PPFIA2: variants seen among roughly 807,000 people sequenced by gnomAD.
PPFIA2 encodes PPFI scaffold protein A2.
Under a neutral mutation model 175.5 loss-of-function variants are expected in PPFIA2, and 46 were observed. The ratio of observed to expected loss-of-function variants is 0.26; its 90% CI spans 0.21 to 0.34. PPFIA2 has a LOEUF of 0.34. PPFIA2 is among the 10% of genes least tolerant of loss of function. PPFIA2 has a pLI of 1.00. For missense variants in PPFIA2, 1,179 were observed against 1,506.1 expected (o/e 0.78, Z 3.60); for synonymous variants, 568 against 511.4 (o/e 1.11, Z -1.49).
At chr12:81,421,423 A>T (rs1184758610) in intron 7 of PPFIA2, among the ~76,000 whole-genome samples, 1 of 152,072 alleles carries the variant, frequency 6.6e-6, no homozygotes, top group Non-Finnish European at 1.5e-5. Flanking sequence ...AAAAGTGTGG[A>T]GGTTTTGTAT....
At chr12:81,601,616 G>A (rs923766617) in intron 4 of PPFIA2, among the ~76,000 whole-genome samples, 2 of 151,450 alleles carry the variant, frequency 1.3e-5, no homozygotes, top group African/African-American at 4.8e-5. Context: ...TTTCTGTAGG[G>A]AAGCCCCATT....
At chr12:81,384,358 T>C (rs1454900994) in intron 8 of PPFIA2, 114 bp from the exon 9 acceptor site, 11 of 822,310 alleles carry the variant, frequency 1.3e-5, no homozygotes, top group Non-Finnish European at 1.8e-5. Flanking sequence ...AATAAGAAAT[T>C]CTGAAAAGAA....
chr12:81,272,516 A>T (rs2136477388), intron 28 of PPFIA2, among the ~76,000 whole-genome samples: 1 of 151,652 alleles, frequency 6.6e-6, no homozygotes, highest in African/African-American at 2.4e-5. Context: ...TCAAATTTCC[A>T]TTTGATTATT....
chr12:81,683,593 C>T (rs1013937612), intron 3 of PPFIA2, among the ~76,000 whole-genome samples: 2 of 151,932 alleles, frequency 1.3e-5, no homozygotes, highest in East Asian at 1.9e-4. Context: ...TATCTTTTGC[C>T]GTTCTCCCTC....
At chr12:81,664,265 G>T (rs2069621327) in intron 4 of PPFIA2, among the ~76,000 whole-genome samples, 3 of 151,852 alleles carry the variant, frequency 2.0e-5, no homozygotes, top group Admixed American at 1.3e-4. Context: ...CTACAGAATG[G>T]GAGAAAATTT....
At position 81,644,776 on chromosome 12, in the gene PPFIA2, C is replaced by T. The variant is rs1048594505; in HGVS notation, c.303+32015G>A. 8.6e-5 allele frequency among the ~76,000 whole-genome samples: 13 copies of T among 152,034 alleles called. No individual in the cohort carries two copies. In the East Asian group the frequency reaches 2.3e-3, roughly 27 times the overall value. ...AGTTTTGTTCTATGTAAGCATAGTG[C>T]TCAATGATGATACAGATTGAGCATG... is the stretch of plus-strand genomic sequence containing the variant. On this transcript the variant is annotated intron_variant, in intron 4 of 32. Transcript: ENST00000549396.
rs1024914596 is a variant in PPFIA2, at chr12:81,344,645, TA to T, written c.2262+18del. ...AAACAGTATTCAATTCGTAATGATG[TA>T]AAAGTTATTTACTGTACCTTTCTCC... On this transcript the variant is annotated intron_variant, in intron 19 of 32. Transcript: ENST00000549396. 2 of 1,528,466 alleles carry T rather than the reference TA, an allele frequency of 1.3e-6. No homozygotes were observed. Among genetic ancestry groups the T allele is most frequent in the Non-Finnish European group, 8.9e-7 (1 of 1,124,536 alleles). 94.7% of individuals were successfully genotyped at this position (1,528,466 alleles called of 1,614,324 possible).
chr12:81,378,432 G>T lies in PPFIA2; in HGVS notation c.985-2490C>A, dbSNP rs756623031. On this transcript the variant is annotated intron_variant, in intron 9 of 32. Coordinates refer to ENST00000549396, the MANE Select transcript of PPFIA2 (RefSeq NM_003625.5). ...AAATTAAATTTAATCTATGAATTCA[G>T]CAAAAAATAGCCAGACTAATTTTTA... Among the ~76,000 whole-genome samples the T allele has an allele frequency of 1.3e-5, 2 of 151,388 alleles. 1 individual carries two copies. Among genetic ancestry groups the T allele is most frequent in the African/African-American group, 4.9e-5 (2 of 41,194 alleles).
At chr12:81,734,043 A>G (rs765998047) in intron 3 of PPFIA2, among the ~76,000 whole-genome samples, 1 of 151,838 alleles carries the variant, frequency 6.6e-6, no homozygotes, top group Non-Finnish European at 1.5e-5. Flanking sequence ...CAATGAGCAC[A>G]GGAATGCAGA....
At chr12:81,472,104 A>G (rs1205586092) in intron 4 of PPFIA2, among the ~76,000 whole-genome samples, 4 of 152,166 alleles carry the variant, frequency 2.6e-5, no homozygotes, top group Non-Finnish European at 4.4e-5. Context: ...GTCACAAAGG[A>G]CCATATTGTT....
rs1322645730 is a variant in PPFIA2 at position 81,488,892 on chromosome 12, T to C, written c.304-31026A>G. On this transcript the variant is annotated intron_variant, in intron 4 of 32. Transcript: ENST00000549396. ...AATGTTTCTGAAAAGGGCAGGGTCT[T>C]AATGTGTTAGAATGAATAAGCTACC... 4.6e-5 allele frequency among the ~76,000 whole-genome samples: 7 copies of C among 151,956 alleles called. No individual in the cohort carries two copies. The South Asian group carries it at 8.3e-4, about 18-fold the overall frequency.
chr12:81,489,821 C>G (rs926814637), intron 4 of PPFIA2, among the ~76,000 whole-genome samples: 3 of 151,838 alleles, frequency 2.0e-5, no homozygotes, highest in Non-Finnish European at 2.9e-5. Flanking sequence ...GTTGACAAGT[C>G]TGTCCTTCTA....
At chr12:81,698,514 C>G (rs1432722670) in intron 3 of PPFIA2, among the ~76,000 whole-genome samples, 1 of 152,048 alleles carries the variant, frequency 6.6e-6, no homozygotes, top group African/African-American at 2.4e-5. Context: ...ATAAATTAGC[C>G]TGTGTTATGC....
intron 4 of PPFIA2, among the ~76,000 whole-genome samples, chr12:81,625,961 A>C (rs752558489): frequency 2.6e-5 from 4 of 150,952 alleles, no homozygotes; most frequent in Non-Finnish European, 4.4e-5. Context: ...AGAGAAAGGG[A>C]TAATTCTCAA....
At chr12:81,400,477 T>C (rs573640432) in intron 8 of PPFIA2, among the ~76,000 whole-genome samples, 75 of 152,302 alleles carry the variant, frequency 4.9e-4, no homozygotes, top group African/African-American at 6.5e-4. Context: ...AATTTACCGA[T>C]CTGAGGATTA....
At chr12:81,299,968 C>A (rs2047410562) in intron 22 of PPFIA2, among the ~76,000 whole-genome samples, 1 of 152,108 alleles carries the variant, frequency 6.6e-6, no homozygotes, top group Non-Finnish European at 1.5e-5. Flanking sequence ...TGATTTCTAA[C>A]ACTCGAAAGC....
At chr12:81,677,211 A>AT (rs201413128) in intron 3 of PPFIA2, among the ~76,000 whole-genome samples, 94 of 151,496 alleles carry the variant, frequency 6.2e-4, no homozygotes, top group African/African-American at 1.9e-3. Flanking sequence ...AAAATATTTA[A>AT]TTTTTTTTTA....
intron 4 of PPFIA2, among the ~76,000 whole-genome samples, chr12:81,462,606 AT>A (rs199654256): frequency 0.081 from 11,393 of 140,596 alleles, 541 homozygotes; most frequent in Middle Eastern, 0.15. Context: ...ATATATATAT[AT>A]AATATAGCGA....
intron 4 of PPFIA2, among the ~76,000 whole-genome samples, chr12:81,653,735 T>G (rs2067353218): frequency 6.6e-6 from 1 of 152,092 alleles, no homozygotes; most frequent in African/African-American, 2.4e-5. Flanking sequence ...TTTAACCCAC[T>G]GCATTTCTTC....
Sources: allele counts gnomAD v4.1 joint callset (sites outside exome capture counted in the v4.1 genomes callset), GRCh38; gene constraint gnomAD v4.1.1; transcripts MANE v1.5; gene names NCBI Gene and HGNC (gene_info 2026-07-23, HGNC 2026-07-21).